Variants in EML6 observed in about 807,000 individuals in gnomAD.
The protein encoded by EML6 is echinoderm microtubule-associated protein-like 6.
In EML6, 154 loss-of-function variants were observed where a neutral mutation model predicts 240.1. That is an observed-to-expected ratio of 0.64 (90% CI 0.56 to 0.73). The LOEUF (loss-of-function observed/expected upper bound fraction) is 0.73. Among genes scored for constraint, EML6 ranks in the 30% least tolerant of loss-of-function variants. The pLI, the probability that EML6 is intolerant of heterozygous loss-of-function variation, is 0.00. For synonymous variants in EML6, 1,148 were observed against 899.0 expected (o/e 1.28, Z -4.95); for missense variants, 2,964 against 2,474.6 (o/e 1.20, Z -4.20).
rs1573125281 is a variant in EML6, at chr2:54,911,071, G to A, written c.3498+29G>A. On this transcript the variant is annotated intron_variant, in intron 25 of 41. Transcript: ENST00000356458. ...ATAATCATACACAAAGATTTTTAAA[G>A]ATATTTTGTGAAGATTTAATATGTG... 3.4e-6 allele frequency: 4 copies of A among 1,190,022 alleles called. No individual in the cohort carries two copies. The East Asian group carries it at 1.0e-4, about 31-fold the overall frequency. 73.7% of individuals were successfully genotyped at this position (1,190,022 alleles called of 1,614,324 possible).
At chr2:54,776,071 T>C (rs2103825237) in intron 2 of EML6, among the ~76,000 whole-genome samples, 1 of 152,338 alleles carries the variant, frequency 6.6e-6, no homozygotes, top group Admixed American at 6.5e-5. Flanking sequence ...TTGATAACCA[T>C]AAGCCTTATC....
At chr2:54,893,492 C>T (rs1372804173) in intron 19 of EML6, among the ~76,000 whole-genome samples, 2 of 152,142 alleles carry the variant, frequency 1.3e-5, no homozygotes, top group East Asian at 3.9e-4. Context: ...CCCTCATGGT[C>T]TAGTCAACTC....
At chr2:54,940,558 A>T (rs537585094) in intron 28 of EML6, among the ~76,000 whole-genome samples, 2 of 152,348 alleles carry the variant, frequency 1.3e-5, no homozygotes, top group South Asian at 4.1e-4. Context: ...GGTACCTTAC[A>T]CTTAATACAC....
At position 54,957,808 on chromosome 2, in the gene EML6, G is replaced by A. The variant is rs1024694796; in HGVS notation, c.4505G>A (p.Arg1502Gln). The change falls in exon 33 of 42, where the codon CGA becomes CAA. Residue 1502 changes from arginine to glutamine, a missense_variant. Coordinates refer to ENST00000356458, the MANE Select transcript of EML6 (RefSeq NM_001039753.4). ...CACACAGGTGCCAAGGTTGCCAGCC[G>A]AGGGGGTCACCTGGAGCGCATATTT... ...RWQEGAKVAS[R>Q]GGHLERIFVV... is the part of the protein sequence containing the mutation. 9 of 1,549,820 alleles carry A rather than the reference G, an allele frequency of 5.8e-6. No individual in the cohort carries two copies. The highest frequency in any genetic ancestry group is 2.4e-5 in the South Asian group (2 of 83,984).
chr2:54,968,751 T>G lies in EML6; in HGVS notation c.5835T>G (p.Thr1945=), dbSNP rs1297975459. 4 of 1,542,706 alleles carry G rather than the reference T, an allele frequency of 2.6e-6. No individual in the cohort carries two copies. The highest frequency in any genetic ancestry group is 3.5e-6 in the Non-Finnish European group (4 of 1,138,864). ...FSYDDKYVVS[T]GGDDCSVFVW... Reference sequence around the variant, plus strand: ...ATGATGACAAGTATGTGGTCAGCACTGGAGGAGACGACTGCAGGTACTAAC... The same window carrying G: ...ATGATGACAAGTATGTGGTCAGCACGGGAGGAGACGACTGCAGGTACTAAC... The change falls in exon 41 of 42, where the codon ACT becomes ACG. Residue 1945 remains threonine, a synonymous_variant. Coordinates refer to ENST00000356458, the MANE Select transcript of EML6 (RefSeq NM_001039753.4).
chr2:54,806,202 T>A (rs1670468403), intron 2 of EML6, among the ~76,000 whole-genome samples: 1 of 152,224 alleles, frequency 6.6e-6, no homozygotes, highest in Non-Finnish European at 1.5e-5. Flanking sequence ...TTCAGATAAC[T>A]GATCTTGTCC....
chr2:54,831,080 A>C (rs1668846685), intron 7 of EML6, among the ~76,000 whole-genome samples: 1 of 152,150 alleles, frequency 6.6e-6, no homozygotes, highest in Admixed American at 6.5e-5. Context: ...ATTTTTTTTA[A>C]GTACAGTAGC....
intron 2 of EML6, among the ~76,000 whole-genome samples, chr2:54,772,211 A>G (rs754675260): frequency 2.0e-4 from 31 of 152,254 alleles, no homozygotes; most frequent in African/African-American, 3.6e-4. Context: ...AAGGTAGTTC[A>G]TGATTCTTGT....
intron 5 of EML6, among the ~76,000 whole-genome samples, chr2:54,824,230 C>G (rs368753858): frequency 6.5e-4 from 99 of 152,228 alleles, no homozygotes; most frequent in African/African-American, 2.3e-3. Context: ...AAAGCAGAGA[C>G]AAAATTCTGA....
intron 38 of EML6, among the ~76,000 whole-genome samples, chr2:54,966,329 A>T (rs1196234060): frequency 6.6e-6 from 1 of 152,238 alleles, no homozygotes; most frequent in African/African-American, 2.4e-5. Context: ...GGCCATCTGC[A>T]TGAAAGCCCT....
chr2:54,896,373 T>C (rs1246170504), intron 21 of EML6, among the ~76,000 whole-genome samples: 1 of 152,128 alleles, frequency 6.6e-6, no homozygotes, highest in East Asian at 1.9e-4. Flanking sequence ...CATAAGCAAA[T>C]TGCATCCTCC....
chr2:54,821,677 C>A (rs1026288340), intron 5 of EML6, among the ~76,000 whole-genome samples: 4 of 151,726 alleles, frequency 2.6e-5, no homozygotes, highest in African/African-American at 4.8e-5. Flanking sequence ...GACTTGGATA[C>A]AAAGAAATAA....
intron 16 of EML6, among the ~76,000 whole-genome samples, chr2:54,872,380 A>T (rs1001902954): frequency 3.3e-5 from 5 of 152,212 alleles, no homozygotes; most frequent in Admixed American, 2.6e-4. Context: ...CTTAATAAGT[A>T]TAACGTGTAA....
intron 4 of EML6, among the ~76,000 whole-genome samples, 198 bp from the exon 5 acceptor site, chr2:54,820,196 C>T (rs552039702): frequency 1.3e-5 from 2 of 152,218 alleles, no homozygotes; most frequent in African/African-American, 4.8e-5. Context: ...TCTACTCAGG[C>T]CTTAAGGTAA....
At chr2:54,810,002 A>T (rs1032249511) in intron 2 of EML6, among the ~76,000 whole-genome samples, 5 of 152,302 alleles carry the variant, frequency 3.3e-5, no homozygotes, top group African/African-American at 1.2e-4. Context: ...TGTTCTTGCT[A>T]TTCTTGACAT....
intron 2 of EML6, among the ~76,000 whole-genome samples, chr2:54,726,405 T>A (rs926532802): frequency 2.0e-5 from 3 of 151,304 alleles, no homozygotes; most frequent in Non-Finnish European, 4.4e-5. Flanking sequence ...AAAGATCAGC[T>A]TTTTTTTCCC....
At chr2:54,907,934 AGATAGATAGATAAGATAGAT>A (rs1189598745) in intron 24 of EML6, among the ~76,000 whole-genome samples, 1,502 of 51,754 alleles carry the variant, frequency 0.029, 8 homozygotes, top group South Asian at 0.05. Context: ...ATAGATAGAT[AGATAGATAGATAAGATAGAT>A]AGATAGATAG....
intron 2 of EML6, among the ~76,000 whole-genome samples, chr2:54,789,219 G>C (rs757143206): frequency 1.2e-4 from 18 of 151,740 alleles, no homozygotes; most frequent in Non-Finnish European, 2.5e-4. Flanking sequence ...CCTTTAGAAA[G>C]AATGTGCTTT....
intron 13 of EML6, 32 bp downstream of exon 13, chr2:54,863,921 A>G (rs1190128720): frequency 8.4e-7 from 1 of 1,196,448 alleles, no homozygotes; most frequent in Admixed American, 2.2e-5. Flanking sequence ...AAAATTTGTA[A>G]CCCCAGAAGG....
Sources: allele counts gnomAD v4.1 joint callset (sites outside exome capture counted in the v4.1 genomes callset), GRCh38; gene constraint gnomAD v4.1.1; transcripts MANE v1.5; gene names NCBI Gene and HGNC (gene_info 2026-07-23, HGNC 2026-07-21).